AP3S2: variants seen among roughly 807,000 people sequenced by gnomAD.
AP3S2 encodes the protein AP-3 complex subunit sigma-2.
In AP3S2, 22 loss-of-function variants were observed where a neutral mutation model predicts 23.4. The ratio of observed to expected loss-of-function variants is 0.94; its 90% CI spans 0.67 to 1.34. The LOEUF is 1.34. Ranked by LOEUF, AP3S2 falls within the 40% of genes most tolerant of loss-of-function variation. The pLI, the probability that AP3S2 is intolerant of heterozygous loss-of-function variation, is 0.00. For missense variants in AP3S2, 241 were observed against 236.9 expected, an observed-to-expected ratio of 1.02 and a Z score of -0.11; for synonymous variants, 86 against 87.1, an observed-to-expected ratio of 0.99 and a Z score of 0.07.
At chr15:89,858,523 G>GAGAGAGAGAGAGAGAGAA (rs1555446558) in intron 4 of AP3S2, among the ~76,000 whole-genome samples, 1 of 53,644 alleles carries the variant, frequency 1.9e-5, no homozygotes, top group Admixed American at 2.5e-4. Context: ...GAGAGAGAGA[G>GAGAGAGAGAGAGAGAGAA]AGAAAGAAAG....
At chr15:89,858,761 C>A (rs1244196017) in intron 4 of AP3S2, among the ~76,000 whole-genome samples, 3 of 152,170 alleles carry the variant, frequency 2.0e-5, no homozygotes, top group Non-Finnish European at 4.4e-5. Flanking sequence ...CTGACTACAA[C>A]CTTGACAAAC....
intron 4 of AP3S2, among the ~76,000 whole-genome samples, chr15:89,867,297 G>A (rs1336728438): frequency 6.6e-6 from 1 of 150,764 alleles, no homozygotes. Context: ...TGCAGACGGA[G>A]TCTCGTTCAC....
chr15:89,871,493 C>T lies in AP3S2; in HGVS notation c.327G>A (p.Leu109=). The T allele has an allele frequency of 6.2e-7, 1 of 1,613,570 alleles. No individual in the cohort carries two copies. Among genetic ancestry groups the T allele is most frequent in the Non-Finnish European group, 8.5e-7 (1 of 1,179,896 alleles). Residue 109 remains leucine (L), a synonymous_variant, in exon 4 of 6, where the codon TTG becomes TTA. Coordinates refer to ENST00000336418, the MANE Select transcript of AP3S2 (RefSeq NM_005829.5). ...AATATACCTTATCCATATGGAAGAT[C>T]AAATCCAATTCACACACATTTTCGA... ...KCFENVCELD[L]IFHMDKVHYI... is the part of the protein sequence containing the mutation.
chr15:89,843,115 G>C (rs1201827894), intron 4 of AP3S2, among the ~76,000 whole-genome samples: 1 of 141,844 alleles, frequency 7.1e-6, no homozygotes, highest in Non-Finnish European at 1.5e-5. Flanking sequence ...CTCCTGAGTA[G>C]CTGGGATTAC....
At chr15:89,844,245 TTCTTTCTTTCTTTCTTTCTTTCTTTCTC>T (rs1367318577) in intron 4 of AP3S2, among the ~76,000 whole-genome samples, 3,093 of 52,246 alleles carry the variant, frequency 0.059, 87 homozygotes, top group African/African-American at 0.12. Context: ...CTTTCTTTCT[TTCTTTCTTTCTTTCTTTCTTTCTTTCTC>T]TCTCTCTCTC....
At chr15:89,890,931 T>C (rs910451681) in intron 1 of AP3S2, among the ~76,000 whole-genome samples, 2 of 152,208 alleles carry the variant, frequency 1.3e-5, no homozygotes, top group African/African-American at 4.8e-5. Flanking sequence ...TTGAGTAAAT[T>C]AATCACTATT....
intron 4 of AP3S2, among the ~76,000 whole-genome samples, chr15:89,864,195 T>C (rs1303809900): frequency 6.6e-6 from 1 of 152,198 alleles, no homozygotes; most frequent in Non-Finnish European, 1.5e-5. Context: ...AAGAACAACA[T>C]TTTTATGGCC....
intron 3 of AP3S2, among the ~76,000 whole-genome samples, chr15:89,875,111 G>A (rs765626741): frequency 3.3e-5 from 5 of 152,238 alleles, no homozygotes; most frequent in Non-Finnish European, 5.9e-5. Flanking sequence ...TCAGTCTGTG[G>A]CAAAGCTTTG....
intron 4 of AP3S2, among the ~76,000 whole-genome samples, chr15:89,846,344 A>C (rs1895487112): frequency 6.6e-6 from 1 of 151,810 alleles, no homozygotes; most frequent in Admixed American, 6.6e-5. Context: ...ACACCTCTGG[A>C]CATCTGTGTC....
In AP3S2 at chr15:89,835,205, G is replaced by C. The variant is rs1225005053; in HGVS notation, c.*310C>G. 2.1e-6 allele frequency: 1 copy of C among 465,816 alleles called. No homozygotes were observed. The highest frequency in any genetic ancestry group is 3.8e-5 in the Admixed American group (1 of 26,434). 28.9% of individuals were successfully genotyped at this position (465,816 alleles called of 1,614,324 possible). A position where few individuals can be genotyped will look rare whatever the true frequency, so the allele number is the denominator to read the frequency against. On this transcript the variant is annotated 3_prime_UTR_variant, in exon 6 of 6. Transcript: ENST00000336418. ...GTCCCTAACCCTTGGGAGCATCCAT[G>C]TGAGAGGTAAAGGTGCAAATGACTT... is the stretch of plus-strand genomic sequence containing the variant.
intron 3 of AP3S2, among the ~76,000 whole-genome samples, chr15:89,874,823 T>C (rs1183226483): frequency 6.6e-6 from 1 of 152,036 alleles, no homozygotes; most frequent in Non-Finnish European, 1.5e-5. Context: ...AATTCTAAGA[T>C]GGGAATATAG....
intron 4 of AP3S2, among the ~76,000 whole-genome samples, chr15:89,850,398 C>G (rs1276067296): frequency 6.6e-6 from 1 of 152,168 alleles, no homozygotes; most frequent in Non-Finnish European, 1.5e-5. Flanking sequence ...AAACGGCTGG[C>G]TGGTTTAGGG....
At chr15:89,855,166 A>AT (rs1895795790) in intron 4 of AP3S2, among the ~76,000 whole-genome samples, 1 of 98,592 alleles carries the variant, frequency 1.0e-5, no homozygotes, top group Non-Finnish European at 2.1e-5. Context: ...GAGACTTTTC[A>AT]TTTTGTTCTG....
intron 3 of AP3S2, 50 bp downstream of exon 3, chr15:89,888,471 C>A: frequency 5.0e-6 from 8 of 1,586,468 alleles, no homozygotes; most frequent in Non-Finnish European, 6.9e-6. Context: ...ACTCAAAAAT[C>A]CCGTGGAAAC....
At chr15:89,865,205 T>G (rs766933709) in intron 4 of AP3S2, among the ~76,000 whole-genome samples, 1 of 151,570 alleles carries the variant, frequency 6.6e-6, no homozygotes, top group Non-Finnish European at 1.5e-5. Context: ...CCTGGAAGGC[T>G]GTGTGTCCAT....
At chr15:89,867,920 TG>T (rs531296217) in intron 4 of AP3S2, among the ~76,000 whole-genome samples, 27,701 of 131,164 alleles carry the variant, frequency 0.21, 3,703 homozygotes, top group South Asian at 0.31. Context: ...GGGAGGGAGG[TG>T]GGGGGGGTCA....
chr15:89,853,885 C>A (rs879014695), intron 4 of AP3S2, among the ~76,000 whole-genome samples: 85 of 52,188 alleles, frequency 1.6e-3, no homozygotes, highest in South Asian at 4.8e-3. Flanking sequence ...ACCACCCCGT[C>A]TGAGAAGTGA....
At chr15:89,892,744 A>G (rs1333850380) in intron 1 of AP3S2, among the ~76,000 whole-genome samples, 1 of 152,158 alleles carries the variant, frequency 6.6e-6, no homozygotes, top group Non-Finnish European at 1.5e-5. Flanking sequence ...GCTCACTGCA[A>G]GCTCCGCCTC....
At chr15:89,843,247 G>A (rs879697967) in intron 4 of AP3S2, among the ~76,000 whole-genome samples, 2 of 151,784 alleles carry the variant, frequency 1.3e-5, no homozygotes, top group African/African-American at 2.4e-5. Context: ...GCCTCCCAAA[G>A]TGCTGGGATT....
Sources: gnomAD v4.1 joint callset for allele counts (sites outside exome capture counted in the v4.1 genomes callset) on GRCh38, gnomAD v4.1.1 for gene constraint, MANE v1.5 for transcripts, NCBI Gene and HGNC (gene_info 2026-07-23, HGNC 2026-07-21) for gene names.